The following GAB2 variants were observed in gnomAD, a reference collection of about 807,000 sequenced individuals.
The protein encoded by GAB2 is GRB2-associated-binding protein 2.
GAB2 carries 26 observed loss-of-function variants against 65.5 expected under a neutral mutation model. That is an observed-to-expected ratio of 0.40 (90% CI 0.29 to 0.55). The LOEUF (loss-of-function observed/expected upper bound fraction) is 0.55. GAB2 is among the 20% of genes least tolerant of loss of function. The pLI is 0.53. For missense variants in GAB2, 884 were observed against 875.8 expected (o/e 1.01, Z -0.12); for synonymous variants, 321 against 329.6 (o/e 0.97, Z 0.28).
chr11:78,412,751 GC>G (rs1380329454), intron 1 of GAB2, among the ~76,000 whole-genome samples: 5 of 152,262 alleles, frequency 3.3e-5, no homozygotes, highest in Admixed American at 3.3e-4. Context: ...AAAAGCCCAG[GC>G]TTTAGGACAA....
At chr11:78,291,253 C>G (rs1866660228) in intron 1 of GAB2, among the ~76,000 whole-genome samples, 1 of 146,080 alleles carries the variant, frequency 6.8e-6, no homozygotes, top group Non-Finnish European at 1.5e-5. Flanking sequence ...GAGATTGAGA[C>G]CATCCTGGCT....
chr11:78,316,054 T>C (rs933589721), intron 1 of GAB2, among the ~76,000 whole-genome samples: 3 of 152,174 alleles, frequency 2.0e-5, no homozygotes, highest in Non-Finnish European at 4.4e-5. Context: ...CCCTGCCATA[T>C]TGGATGCTTC....
rs372693456 is a variant in GAB2, at chr11:78,233,040, GTTTTT to G, written c.621-5994_621-5990del. On this transcript the variant is annotated intron_variant, in intron 3 of 9. Transcript: ENST00000361507. ...ACTTACCAATACCTGGCACTGTTAAGTTTTTTTTTTTTTTTTGGTGACAAGGTCTG... is the reference window on the plus strand; with the variant it reads ...ACTTACCAATACCTGGCACTGTTAAGTTTTTTTTTTTGGTGACAAGGTCTG... Among the ~76,000 whole-genome samples the G allele has an allele frequency of 6.1e-5, 8 of 131,986 alleles. No homozygotes were observed. The East Asian group carries it at 1.9e-3, about 31-fold the overall frequency. 86.6% of individuals were successfully genotyped at this position (131,986 alleles called of 152,430 possible).
At chr11:78,364,790 T>C (rs1856477065) in intron 1 of GAB2, among the ~76,000 whole-genome samples, 1 of 152,168 alleles carries the variant, frequency 6.6e-6, no homozygotes, top group Non-Finnish European at 1.5e-5. Flanking sequence ...CCCCAAACTA[T>C]ACATATTTAC....
At chr11:78,258,627 G>A (rs767624485) in intron 2 of GAB2, among the ~76,000 whole-genome samples, 12 of 148,562 alleles carry the variant, frequency 8.1e-5, no homozygotes, top group Non-Finnish European at 1.0e-4. Context: ...AGACAAGATC[G>A]CGCACTGTTG....
At chr11:78,282,372 TC>T (rs1866359492) in intron 1 of GAB2, among the ~76,000 whole-genome samples, 1 of 151,784 alleles carries the variant, frequency 6.6e-6, no homozygotes, top group Admixed American at 6.6e-5. Flanking sequence ...AGTGGCATGA[TC>T]TTGGCTCATT....
chr11:78,411,612 C>T (rs1214783431), intron 1 of GAB2, among the ~76,000 whole-genome samples: 2 of 152,256 alleles, frequency 1.3e-5, no homozygotes, highest in East Asian at 3.9e-4. Flanking sequence ...AGTAGGATGG[C>T]TTTGTCAACA....
At chr11:78,262,356 G>A (rs1865756699) in intron 2 of GAB2, among the ~76,000 whole-genome samples, 1 of 152,186 alleles carries the variant, frequency 6.6e-6, no homozygotes, top group Admixed American at 6.5e-5. Flanking sequence ...GAATTGTTCT[G>A]GGGAATAAGA....
Position 78,278,848 on chromosome 11 carries a change from G to A in GAB2, c.376+1753C>T, listed in dbSNP as rs182152112. Reference sequence around the variant, plus strand: ...CAATCCTCCTACCTAAGCTTCCCTAGTAGCTGGGATTACAGGCATGCTACC... The same window carrying A: ...CAATCCTCCTACCTAAGCTTCCCTAATAGCTGGGATTACAGGCATGCTACC... On this transcript the variant is annotated intron_variant, in intron 2 of 9. Transcript: ENST00000361507. 7.2e-5 allele frequency among the ~76,000 whole-genome samples: 11 copies of A among 151,936 alleles called. No homozygotes were observed. In the East Asian group the frequency reaches 1.9e-3, roughly 27 times the overall value.
intron 1 of GAB2, among the ~76,000 whole-genome samples, chr11:78,306,949 T>C: frequency 6.6e-6 from 1 of 152,224 alleles, no homozygotes; most frequent in East Asian, 1.9e-4. Flanking sequence ...AAATATCAAC[T>C]TTTATCTTCT....
intron 1 of GAB2, among the ~76,000 whole-genome samples, chr11:78,367,941 C>A (rs181768378): frequency 6.6e-6 from 1 of 151,424 alleles, no homozygotes; most frequent in Non-Finnish European, 1.5e-5. Flanking sequence ...CTCAGCCTCC[C>A]GAGTAGCTGG....
chr11:78,368,455 G>T (rs73500985), intron 1 of GAB2, among the ~76,000 whole-genome samples: 4,322 of 152,234 alleles, frequency 0.028, 173 homozygotes, highest in African/African-American at 0.091. Flanking sequence ...TCACGTTTGT[G>T]CAGAAGTCAC....
At chr11:78,391,702 T>C (rs1168913923) in intron 1 of GAB2, among the ~76,000 whole-genome samples, 2 of 152,194 alleles carry the variant, frequency 1.3e-5, no homozygotes, top group African/African-American at 4.8e-5. Context: ...TTCCAGTTCC[T>C]AGCAGTCAAG....
intron 1 of GAB2, among the ~76,000 whole-genome samples, chr11:78,396,691 G>A (rs1400152741): frequency 8.5e-5 from 13 of 152,090 alleles, no homozygotes; most frequent in African/African-American, 2.4e-4. Flanking sequence ...TCCGCCTCCC[G>A]GGTTCAAGCG....
intron 2 of GAB2, among the ~76,000 whole-genome samples, chr11:78,259,242 G>A (rs1165649299): frequency 1.3e-5 from 2 of 152,168 alleles, no homozygotes; most frequent in African/African-American, 4.8e-5. Flanking sequence ...TTCTTTTGAG[G>A]ATTTGATATG....
chr11:78,233,176 G>C (rs1864894128), intron 3 of GAB2, among the ~76,000 whole-genome samples: 1 of 151,672 alleles, frequency 6.6e-6, no homozygotes, highest in African/African-American at 2.4e-5. Context: ...AGTAGCTGGG[G>C]CTACAGGCAT....
chr11:78,250,046 T>C, intron 3 of GAB2, 111 bp downstream of exon 3: 2 of 1,124,888 alleles, frequency 1.8e-6, no homozygotes, highest in Non-Finnish European at 2.6e-6. Flanking sequence ...GACGTGTTTG[T>C]CTACCTGAAA....
At chr11:78,402,573 A>G (rs1325196080) in intron 1 of GAB2, among the ~76,000 whole-genome samples, 9 of 22,146 alleles carry the variant, frequency 4.1e-4, no homozygotes, top group Admixed American at 3.3e-3. Context: ...CCCCACCCCC[A>G]ATCGCCCCAG....
chr11:78,232,094 T>C (rs1459321632), intron 3 of GAB2, among the ~76,000 whole-genome samples: 1 of 152,234 alleles, frequency 6.6e-6, no homozygotes, highest in East Asian at 1.9e-4. Context: ...CAAAGCTGTA[T>C]ATGTGAAACT....
Sources: gnomAD v4.1 joint callset for allele counts (sites outside exome capture counted in the v4.1 genomes callset) on GRCh38, gnomAD v4.1.1 for gene constraint, MANE v1.5 for transcripts, NCBI Gene and HGNC (gene_info 2026-07-23, HGNC 2026-07-21) for gene names.